Variants in PLSCR1 observed in about 807,000 individuals in gnomAD.
The protein encoded by PLSCR1 is phospholipid scramblase 1.
In PLSCR1, 17 loss-of-function variants were observed where a neutral mutation model predicts 37.8. The observed-to-expected ratio is 0.45, with a 90% CI of 0.31 to 0.68. The LOEUF is 0.68. Among genes scored for constraint, PLSCR1 ranks in the 30% least tolerant of loss-of-function variants. The pLI is 0.06. For synonymous variants in PLSCR1, 116 were observed against 125.9 expected, an observed-to-expected ratio of 0.92 and a Z score of 0.53; for missense variants, 347 against 380.9, an observed-to-expected ratio of 0.91 and a Z score of 0.74.
intron 1 of PLSCR1, among the ~76,000 whole-genome samples, chr3:146,537,558 C>T (rs943876591): frequency 5.3e-5 from 8 of 152,098 alleles, no homozygotes; most frequent in African/African-American, 7.2e-5. Flanking sequence ...AAGAAGAAAC[C>T]GCCTTCCTCC....
chr3:146,522,691 A>G (rs2044043342), intron 5 of PLSCR1, among the ~76,000 whole-genome samples: 1 of 152,142 alleles, frequency 6.6e-6, no homozygotes, highest in Admixed American at 6.5e-5. Context: ...AAGGGTCTGC[A>G]CTGAGGGGGA....
intron 5 of PLSCR1, among the ~76,000 whole-genome samples, chr3:146,522,353 T>G (rs972137210): frequency 2.6e-5 from 4 of 151,964 alleles, no homozygotes; most frequent in Non-Finnish European, 5.9e-5. Context: ...CTAAGAAAAA[T>G]TTTTCTGCCT....
chr3:146,519,037 A>G (rs1489412722), intron 7 of PLSCR1, among the ~76,000 whole-genome samples: 10 of 152,176 alleles, frequency 6.6e-5, no homozygotes, highest in Admixed American at 3.9e-4. Context: ...AAAGTGTATC[A>G]TGAGTATATT....
At chr3:146,529,077 A>G (rs1576789983) in intron 3 of PLSCR1, among the ~76,000 whole-genome samples, 2 of 152,200 alleles carry the variant, frequency 1.3e-5, no homozygotes, top group South Asian at 4.1e-4. Context: ...CAGAAGGAAA[A>G]TATGCTTTAA....
In PLSCR1 at chr3:146,528,851, A is replaced by T; in HGVS notation, c.95-20T>A. ...GAGGTCCTGAAATACAAACAAGTGA[A>T]ATGATTTGTAACTGCACCAAAAATG... On this transcript the variant is annotated intron_variant, in intron 3 of 8. Coordinates refer to ENST00000342435, the MANE Select transcript of PLSCR1 (RefSeq NM_021105.3). 6.3e-7 allele frequency: 1 copy of T among 1,579,166 alleles called. No individual in the cohort carries two copies. The highest frequency in any genetic ancestry group is 8.7e-7 in the Non-Finnish European group (1 of 1,152,056).
At chr3:146,525,538 C>T in intron 5 of PLSCR1, 67 bp downstream of exon 5, 1 of 793,990 alleles carries the variant, frequency 1.3e-6, no homozygotes, top group East Asian at 2.5e-5. Context: ...TTGTGGAGGT[C>T]AATGTGCCTT....
intron 2 of PLSCR1, among the ~76,000 whole-genome samples, chr3:146,533,778 T>G (rs2108657668): frequency 6.6e-6 from 1 of 152,322 alleles, no homozygotes; most frequent in African/African-American, 2.4e-5. Flanking sequence ...GACAGTTAAG[T>G]TACTGGGGCT....
intron 7 of PLSCR1, among the ~76,000 whole-genome samples, chr3:146,518,536 T>C (rs1010670783): frequency 6.6e-6 from 1 of 152,216 alleles, no homozygotes; most frequent in African/African-American, 2.4e-5. Context: ...ATAGCTGTCA[T>C]TGAAGCATTT....
At chr3:146,524,300 TTC>T (rs1408364502) in intron 5 of PLSCR1, among the ~76,000 whole-genome samples, 4 of 152,206 alleles carry the variant, frequency 2.6e-5, no homozygotes, top group Non-Finnish European at 5.9e-5. Context: ...TTTTATTGTC[TTC>T]TGTGTTTTGA....
intron 3 of PLSCR1, among the ~76,000 whole-genome samples, chr3:146,532,469 C>A (rs2044212022): frequency 6.6e-6 from 1 of 152,230 alleles, no homozygotes; most frequent in Non-Finnish European, 1.5e-5. Flanking sequence ...GGTGATGATA[C>A]TTCAGTGCAG....
At chr3:146,539,788 A>G (rs1560091728) in intron 1 of PLSCR1, among the ~76,000 whole-genome samples, 1 of 152,224 alleles carries the variant, frequency 6.6e-6, no homozygotes, top group Non-Finnish European at 1.5e-5. Context: ...GAATTTTAGC[A>G]TTTATATAAT....
At chr3:146,534,770 G>A (rs1455062269) in intron 2 of PLSCR1, among the ~76,000 whole-genome samples, 1 of 152,150 alleles carries the variant, frequency 6.6e-6, no homozygotes, top group African/African-American at 2.4e-5. Context: ...CAGCAACTCA[G>A]GAGGCTGAGG....
At chr3:146,527,828 T>C (rs1413768836) in intron 4 of PLSCR1, 1 of 152,228 alleles carries the variant, frequency 6.6e-6, no homozygotes, top group Admixed American at 6.5e-5. Context: ...TGTATGTGTA[T>C]AGACTGGACA....
intron 5 of PLSCR1, among the ~76,000 whole-genome samples, chr3:146,522,428 A>G (rs1560081541): frequency 1.3e-5 from 2 of 152,024 alleles, no homozygotes; most frequent in African/African-American, 2.4e-5. Flanking sequence ...TGCTGTGTCA[A>G]TTTAGGGTTA....
At chr3:146,532,926 T>C (rs1195610265) in intron 3 of PLSCR1, among the ~76,000 whole-genome samples, 3 of 152,166 alleles carry the variant, frequency 2.0e-5, no homozygotes, top group Admixed American at 6.5e-5. Context: ...AGCATATATA[T>C]AAAAATAAAG....
rs144965326 is a variant in PLSCR1 at position 146,525,607 on chromosome 3, T to G, written c.353A>C (p.Glu118Ala). ...GGATTAAAACAATGAATACATACCT[T>G]CCAGAAGTTCAATTTGCTGATGAAT... Reference protein sequence around the residue: ...ILIHQQIELLEVLTGFETNNK... With the variant: ...ILIHQQIELLAVLTGFETNNK... The change falls in exon 5 of 9, where the codon GAA becomes GCA. Residue 118 changes from glutamate to alanine, a missense_variant and splice_region_variant. Coordinates refer to ENST00000342435, the MANE Select transcript of PLSCR1 (RefSeq NM_021105.3). 16 of 1,495,704 alleles carry G rather than the reference T, an allele frequency of 1.1e-5. No individual in the cohort carries two copies. In the African/African-American group the frequency reaches 2.1e-4, roughly 19 times the overall value. The allele number at this position is 1,495,704 out of a possible 1,614,324, so 92.7% of individuals were successfully genotyped here.
At chr3:146,519,462 T>C (rs2043989541) in intron 7 of PLSCR1, among the ~76,000 whole-genome samples, 1 of 152,008 alleles carries the variant, frequency 6.6e-6, no homozygotes, top group Admixed American at 6.6e-5. Context: ...GTGGCCATAT[T>C]TTTTCCCCCT....
intron 7 of PLSCR1, among the ~76,000 whole-genome samples, chr3:146,518,131 A>G (rs1406894776): frequency 6.6e-6 from 1 of 152,180 alleles, no homozygotes; most frequent in East Asian, 1.9e-4. Flanking sequence ...TAGGGCCAGT[A>G]TACTTCCTGT....
At chr3:146,541,232 A>G (rs1327599480) in intron 1 of PLSCR1, 1 of 152,232 alleles carries the variant, frequency 6.6e-6, no homozygotes, top group Non-Finnish European at 1.5e-5. Flanking sequence ...AGCCTTTTAT[A>G]GCATTTTATA....
Sources: gnomAD v4.1 joint callset for allele counts (sites outside exome capture counted in the v4.1 genomes callset) on GRCh38, gnomAD v4.1.1 for gene constraint, MANE v1.5 for transcripts, NCBI Gene and HGNC (gene_info 2026-07-23, HGNC 2026-07-21) for gene names.